Variants in MAP4K2 observed in about 807,000 individuals in gnomAD.
The protein encoded by MAP4K2 is mitogen-activated protein kinase kinase kinase kinase 2.
MAP4K2 carries 85 observed loss-of-function variants against 125.3 expected under a neutral mutation model. That is an observed-to-expected ratio of 0.68 (90% CI 0.57 to 0.81). MAP4K2 has a LOEUF of 0.81. Ranked by LOEUF, MAP4K2 falls within the 40% of genes least tolerant of loss-of-function variation. The pLI, the probability that MAP4K2 is intolerant of heterozygous loss-of-function variation, is 0.00. For synonymous variants in MAP4K2, 479 were observed against 445.1 expected (o/e 1.08, Z -0.96); for missense variants, 923 against 1,056.4 (o/e 0.87, Z 1.75).
At chr11:64,790,588 G>C (rs1281627538) in intron 27 of MAP4K2, 126 bp from the exon 28 acceptor site, 2 of 831,036 alleles carry the variant, frequency 2.4e-6, no homozygotes, top group African/African-American at 3.4e-5. Flanking sequence ...ACAGCCCTGT[G>C]GGGCTGGGAA....
At position 64,790,381 on chromosome 11, in the gene MAP4K2, C is replaced by G. The variant is rs1940406186; in HGVS notation, c.2161+13G>C. 1.2e-6 allele frequency: 2 copies of G among 1,613,922 alleles called. No homozygotes were observed. Among genetic ancestry groups the G allele is most frequent in the African/African-American group, 1.3e-5 (1 of 74,938 alleles). On this transcript the variant is annotated intron_variant, in intron 28 of 31. Transcript: ENST00000294066. Reference sequence around the variant, plus strand: ...TAGTCCCCTGCCCTAAGCCCTGCCCCCAGGGCACTCACGTTCAAAGCTGAC... The same window carrying G: ...TAGTCCCCTGCCCTAAGCCCTGCCCGCAGGGCACTCACGTTCAAAGCTGAC...
chr11:64,796,489 G>A lies in MAP4K2; in HGVS notation c.1633+4C>T, dbSNP rs1182692114. 6.2e-7 allele frequency: 1 copy of A among 1,613,792 alleles called. No homozygotes were observed. Among genetic ancestry groups the A allele is most frequent in the Admixed American group, 1.7e-5 (1 of 60,010 alleles). On this transcript the variant is annotated splice_donor_region_variant and intron_variant, in intron 23 of 31. Coordinates refer to ENST00000294066, the MANE Select transcript of MAP4K2 (RefSeq NM_004579.5). ...CCTGCCTCCCTGCCCATCCCACCTT[G>A]TACCTGAGAGTGACAGCAGCACGTT...
At chr11:64,797,793 C>T (rs1253761327) in intron 15 of MAP4K2, 129 bp from the exon 16 acceptor site, 9 of 896,408 alleles carry the variant, frequency 1.0e-5, no homozygotes, top group African/African-American at 6.9e-5. Context: ...GCAAGCTCCG[C>T]CCCCCAAGTT....
Position 64,798,754 on chromosome 11 carries a change from GC to G in MAP4K2, c.1097+39del, listed in dbSNP as rs1565620673. ...CCGGTCAGAGGTCAGCCTTTCTGCCGCCCCTGCCACCCCCTGCAGCTTCCCC... is the reference window on the plus strand; with the variant it reads ...CCGGTCAGAGGTCAGCCTTTCTGCCGCCCTGCCACCCCCTGCAGCTTCCCC... On this transcript the variant is annotated intron_variant, in intron 15 of 31. Coordinates refer to ENST00000294066, the MANE Select transcript of MAP4K2 (RefSeq NM_004579.5). 3 of 1,610,852 alleles carry G rather than the reference GC, an allele frequency of 1.9e-6. No individual in the cohort carries two copies. The South Asian group carries it at 3.3e-5, about 18-fold the overall frequency.
chr11:64,793,356 A>T (rs991640836), intron 24 of MAP4K2, among the ~76,000 whole-genome samples: 1 of 152,220 alleles, frequency 6.6e-6, no homozygotes, highest in East Asian at 1.9e-4. Context: ...GGGGCAGTGA[A>T]TGAACTTCAA....
chr11:64,793,604 T>G lies in MAP4K2; in HGVS notation c.1752-1182A>C, dbSNP rs150758835. Among the ~76,000 whole-genome samples, 665 of 152,278 alleles carry G rather than the reference T, an allele frequency of 4.4e-3. 4 individuals are homozygous for G. The highest frequency in any genetic ancestry group is 0.015 in the African/African-American group (624 of 41,562). On this transcript the variant is annotated intron_variant, in intron 24 of 31. Transcript: ENST00000294066. The stretch of plus-strand genomic sequence containing the variant: ...CCTCCACCCAGTGGCCCATGTCCTG[T>G]TTGTACCTTCTGCCAGGACATGGAG...
In MAP4K2 at chr11:64,785,987, C is replaced by T. The variant is rs144621665; in HGVS notation, c.*3550G>A. ...TATAACTTAAATACCCATGAACCTA[C>T]CACCAAACCTGAGAGCTAAGATATT... is the stretch of plus-strand genomic sequence containing the variant. On this transcript the variant is annotated 3_prime_UTR_variant, in exon 32 of 32. Transcript: ENST00000294066. 6.6e-6 allele frequency: 1 copy of T among 152,276 alleles called. No individual in the cohort carries two copies. The highest frequency in any genetic ancestry group is 1.9e-4 in the East Asian group (1 of 5,194). The allele number at this position is 152,276 out of a possible 1,614,324, so 9.4% of individuals were successfully genotyped here. A position where few individuals can be genotyped will look rare whatever the true frequency, so the allele number is the denominator to read the frequency against.
At position 64,787,584 on chromosome 11, in the gene MAP4K2, A is replaced by G. The variant is rs916114910; in HGVS notation, c.*1953T>C. 6.6e-6 allele frequency: 1 copy of G among 152,336 alleles called. No individual in the cohort carries two copies. Among genetic ancestry groups the G allele is most frequent in the African/African-American group, 2.4e-5 (1 of 41,564 alleles). The allele number at this position is 152,336 out of a possible 1,614,324, so 9.4% of individuals were successfully genotyped here. A position where few individuals can be genotyped will look rare whatever the true frequency, so the allele number is the denominator to read the frequency against. On this transcript the variant is annotated 3_prime_UTR_variant, in exon 32 of 32. Coordinates refer to ENST00000294066, the MANE Select transcript of MAP4K2 (RefSeq NM_004579.5). Reference sequence around the variant, plus strand: ...ATTTAAAAATACATAAATAAAATTTAAAGTGTTAGTCTCTCAGTGCATATT... The same window carrying G: ...ATTTAAAAATACATAAATAAAATTTGAAGTGTTAGTCTCTCAGTGCATATT...
In MAP4K2 at chr11:64,785,409, C is replaced by T. The variant is rs976938618; in HGVS notation, c.*4128G>A. The stretch of plus-strand genomic sequence containing the variant: ...AATAAAACTGTCTTTCAACAATACA[C>T]ACTAGAAGGCAGCAACTGCAAAGTG... On this transcript the variant is annotated 3_prime_UTR_variant, in exon 32 of 32. Coordinates refer to ENST00000294066, the MANE Select transcript of MAP4K2 (RefSeq NM_004579.5). The T allele has an allele frequency of 2.0e-5, 3 of 152,154 alleles. No homozygotes were observed. The highest frequency in any genetic ancestry group is 4.4e-5 in the Non-Finnish European group (3 of 68,032). 9.4% of individuals were successfully genotyped at this position (152,154 alleles called of 1,614,324 possible). A position where few individuals can be genotyped will look rare whatever the true frequency, so the allele number is the denominator to read the frequency against.
At position 64,803,195 on chromosome 11, in the gene MAP4K2, G is replaced by A. The variant is rs1293151498; in HGVS notation, c.-46C>T. ...GGCAGGCGGGCGGGCGCGAGCTGCG[G>A]AGCCGGCGCGGGGCGGCGCGGGGCG... On this transcript the variant is annotated 5_prime_UTR_variant, in exon 1 of 32. Transcript: ENST00000294066. The A allele has an allele frequency of 4.5e-6, 4 of 888,268 alleles. No individual in the cohort carries two copies. The highest frequency in any genetic ancestry group is 3.6e-5 in the African/African-American group (2 of 54,800). 55.0% of individuals were successfully genotyped at this position (888,268 alleles called of 1,614,324 possible). A position where few individuals can be genotyped will look rare whatever the true frequency, so the allele number is the denominator to read the frequency against.
chr11:64,798,160 TTTTG>T (rs1330065115), intron 15 of MAP4K2, among the ~76,000 whole-genome samples: 5 of 151,730 alleles, frequency 3.3e-5, no homozygotes, highest in South Asian at 2.1e-4. Context: ...CCCAGCTAAC[TTTTG>T]TTTGTTTATT....
Position 64,800,352 on chromosome 11 carries a change from T to C in MAP4K2, c.766A>G (p.Lys256Glu). 6.2e-7 allele frequency: 1 copy of C among 1,614,124 alleles called. No homozygotes were observed. The highest frequency in any genetic ancestry group is 1.3e-5 in the African/African-American group (1 of 75,056). Residue 256 changes from lysine (K) to glutamate (E), a missense_variant, in exon 11 of 32, where the codon AAG becomes GAG. Physicochemically the swap from Lys to Glu is moderately conservative, Grantham distance 56 (BLOSUM62 1). This residue lies in a region of MAP4K2 where 833 missense variants were observed against 911.4 expected (regional missense o/e 0.91). Coordinates refer to ENST00000294066, the MANE Select transcript of MAP4K2 (RefSeq NM_004579.5). ...GCTGTCGGCCTCTTCTTAGGATTCT[T>C]GGTCAGGGCCAGTTTGAGAAAGTGG... is the stretch of plus-strand genomic sequence containing the variant. ...FHHFLKLALT[K>E]NPKKRPTAEK...
intron 12 of MAP4K2, 113 bp from the exon 13 acceptor site, chr11:64,799,796 C>T: frequency 1.3e-6 from 1 of 797,746 alleles, no homozygotes; most frequent in South Asian, 1.6e-5. Context: ...CCCTCTGGGA[C>T]TACTGTAAAA....
chr11:64,796,321 A>T lies in MAP4K2; in HGVS notation c.1703T>A (p.Val568Asp). 6.5e-7 allele frequency: 1 copy of T among 1,550,214 alleles called. No homozygotes were observed. Among genetic ancestry groups the T allele is most frequent in the East Asian group, 2.3e-5 (1 of 44,316 alleles). ...GCGGTTGGTGGGGATGGAGAGGGGA[A>T]CCTGTTGCTGTAGCCTCCGCTGCTC... ...LFEQRRLQQQ[V>D]PLSIPTNRLT... Residue 568 changes from valine to aspartate, a missense_variant, in exon 24 of 32, where the codon GTT (valine) becomes GAT (aspartate). Physicochemically the swap from Val to Asp is radical, Grantham distance 152. This residue lies in a region of MAP4K2 where 833 missense variants were observed against 911.4 expected (regional missense o/e 0.91). Transcript: ENST00000294066.
chr11:64,795,792 C>G (rs1940761084), intron 24 of MAP4K2, among the ~76,000 whole-genome samples: 1 of 152,054 alleles, frequency 6.6e-6, no homozygotes, highest in African/African-American at 2.4e-5. Flanking sequence ...CCTCGGATTA[C>G]AGGATTGGGA....
intron 6 of MAP4K2, 28 bp downstream of exon 6, chr11:64,801,682 C>G: frequency 6.2e-7 from 1 of 1,613,910 alleles, no homozygotes; most frequent in Non-Finnish European, 8.5e-7. Flanking sequence ...TCCTCCCTCC[C>G]CAGGAGTGCC....
chr11:64,801,565 C>T lies in MAP4K2; in HGVS notation c.457+14G>A. The stretch of plus-strand genomic sequence containing the variant: ...ACAGAGCCCTCACCCTGATGGTGTC[C>T]CCAGGGTACTGACCCAGTTTGACAT... On this transcript the variant is annotated intron_variant, in intron 7 of 31. Coordinates refer to ENST00000294066, the MANE Select transcript of MAP4K2 (RefSeq NM_004579.5). 1 of 1,613,738 alleles carries T rather than the reference C, an allele frequency of 6.2e-7. No homozygotes were observed. Among genetic ancestry groups the T allele is most frequent in the South Asian group, 1.1e-5 (1 of 91,076 alleles).
At chr11:64,800,535 A>G in intron 10 of MAP4K2, 143 bp from the exon 11 acceptor site, 8 of 1,097,632 alleles carry the variant, frequency 7.3e-6, no homozygotes, top group Non-Finnish European at 9.1e-6. Context: ...CCACTGGCCG[A>G]GCAACGCTGC....
In MAP4K2 at chr11:64,802,046, C is replaced by A. The variant is rs1743083535; in HGVS notation, c.366+20G>T. The A allele has an allele frequency of 8.7e-6, 14 of 1,608,942 alleles. No homozygotes were observed. The highest frequency in any genetic ancestry group is 1.1e-5 in the Non-Finnish European group (13 of 1,178,552). ...AGCTTCTGGAGACCAGAGGTGTGGG[C>A]ACCTCACAGGCCCAGCTACCTTCAG... is the stretch of plus-strand genomic sequence containing the variant. On this transcript the variant is annotated intron_variant, in intron 5 of 31. Transcript: ENST00000294066.
Sources: gnomAD v4.1 joint callset for allele counts (sites outside exome capture counted in the v4.1 genomes callset) on GRCh38, gnomAD v4.1.1 for gene constraint, gnomAD v4.1.1 regional missense constraint, MANE v1.5 for transcripts, NCBI Gene and HGNC (gene_info 2026-07-23, HGNC 2026-07-21) for gene names.